Variants in GPC5 observed in about 807,000 individuals in gnomAD.
GPC5 encodes the protein glypican 5, also known as glypican-5.
GPC5 carries 47 observed loss-of-function variants against 53.9 expected under a neutral mutation model. That is an observed-to-expected ratio of 0.87 (90% CI 0.69 to 1.11). The LOEUF is 1.11. Among genes scored for constraint, GPC5 ranks in the 50% most tolerant of loss-of-function variants. GPC5 has a pLI of 0.00. For missense variants in GPC5, 748 were observed against 713.1 expected (o/e 1.05, Z -0.56); for synonymous variants, 286 against 263.3 (o/e 1.09, Z -0.84).
intron 7 of GPC5, among the ~76,000 whole-genome samples, chr13:92,309,669 C>T (rs182090994): frequency 3.5e-4 from 53 of 152,180 alleles, no homozygotes; most frequent in African/African-American, 1.2e-3. Context: ...TTTGTGCATA[C>T]ATTGTAAAAT....
At chr13:91,556,197 A>G (rs1389600589) in intron 2 of GPC5, among the ~76,000 whole-genome samples, 1 of 129,944 alleles carries the variant, frequency 7.7e-6, no homozygotes, top group Non-Finnish European at 1.7e-5. Context: ...GAGTGGCTTT[A>G]AAAAAAAACT....
chr13:91,617,934 A>T (rs2033742822), intron 2 of GPC5, among the ~76,000 whole-genome samples: 1 of 152,108 alleles, frequency 6.6e-6, no homozygotes, highest in Non-Finnish European at 1.5e-5. Flanking sequence ...ATAAAACTTT[A>T]TTTACACACT....
rs80067855 is a variant in GPC5 at position 91,599,378 on chromosome 13, T to C, written c.326-93809T>C. 2.5e-3 allele frequency among the ~76,000 whole-genome samples: 382 copies of C among 152,288 alleles called. 2 individuals carry two copies. Among genetic ancestry groups the C allele is most frequent in the Non-Finnish European group, 3.7e-3 (251 of 68,006 alleles). On this transcript the variant is annotated intron_variant, in intron 2 of 7. Transcript: ENST00000377067. ...CTAGCTACCAAGTTTCTTTATATTT[T>C]TATCTTATCATAAATCAAGCCTGAT... is the stretch of plus-strand genomic sequence containing the variant.
Position 92,106,418 on chromosome 13 carries a change from A to G in GPC5, c.1402-38412A>G, listed in dbSNP as rs7993978. 1.0e-2 allele frequency among the ~76,000 whole-genome samples: 1,519 copies of G among 152,208 alleles called. 27 individuals carry two copies. Among genetic ancestry groups the G allele is most frequent in the African/African-American group, 0.035 (1,460 of 41,552 alleles). On this transcript the variant is annotated intron_variant, in intron 6 of 7. Transcript: ENST00000377067. ...TTTATTTTAATTATATGACACATAG[A>G]TTTTGGATATGATGAGTGCTGAACT...
chr13:92,164,596 G>T (rs2042013865), intron 7 of GPC5, among the ~76,000 whole-genome samples: 1 of 152,162 alleles, frequency 6.6e-6, no homozygotes, highest in African/African-American at 2.4e-5. Context: ...TTCACAGGCT[G>T]GTGTTGAGTG....
chr13:92,208,268 G>A (rs932781736), intron 7 of GPC5, among the ~76,000 whole-genome samples: 7 of 152,214 alleles, frequency 4.6e-5, no homozygotes, highest in East Asian at 1.9e-4. Flanking sequence ...AATTTCCAGA[G>A]TGATTTCCAT....
At chr13:91,829,327 T>G (rs2038620566) in intron 5 of GPC5, among the ~76,000 whole-genome samples, 1 of 152,000 alleles carries the variant, frequency 6.6e-6, no homozygotes, top group Non-Finnish European at 1.5e-5. Flanking sequence ...TATTAGAGAC[T>G]AAAGCAATAT....
chr13:91,512,777 A>G (rs1326334124), intron 2 of GPC5, among the ~76,000 whole-genome samples: 1 of 152,212 alleles, frequency 6.6e-6, no homozygotes, highest in African/African-American at 2.4e-5. Flanking sequence ...CAAGGATTCA[A>G]ACAGCTGTGG....
intron 6 of GPC5, among the ~76,000 whole-genome samples, chr13:92,079,033 G>A (rs1476087369): frequency 6.6e-6 from 1 of 151,782 alleles, no homozygotes; most frequent in Non-Finnish European, 1.5e-5. Context: ...TCTTTCTCAG[G>A]ATGTTACTTC....
chr13:91,958,231 C>G (rs1299627854), intron 6 of GPC5, among the ~76,000 whole-genome samples: 1 of 147,706 alleles, frequency 6.8e-6, no homozygotes, highest in Non-Finnish European at 1.5e-5. Context: ...GCAGAGGTAG[C>G]TATACCTATG....
At chr13:92,114,672 T>C (rs1171830054) in intron 6 of GPC5, among the ~76,000 whole-genome samples, 1 of 152,218 alleles carries the variant, frequency 6.6e-6, no homozygotes, top group Non-Finnish European at 1.5e-5. Context: ...TGATTAGGTA[T>C]ACCTGGCCAC....
intron 7 of GPC5, among the ~76,000 whole-genome samples, chr13:92,773,590 T>C (rs1024252042): frequency 2.0e-5 from 3 of 152,172 alleles, no homozygotes; most frequent in Admixed American, 6.6e-5. Flanking sequence ...AGAAAAACAA[T>C]ATAAAGTATC....
At chr13:92,115,654 G>A (rs114932821) in intron 6 of GPC5, among the ~76,000 whole-genome samples, 112 of 152,250 alleles carry the variant, frequency 7.4e-4, no homozygotes, top group African/African-American at 2.4e-3. Flanking sequence ...AGCAAGCAGC[G>A]TCTGGAGTCT....
chr13:91,456,487 A>AT (rs1453498590), intron 2 of GPC5, among the ~76,000 whole-genome samples: 1 of 151,934 alleles, frequency 6.6e-6, no homozygotes, highest in African/African-American at 2.4e-5. Context: ...AAAGTTAATA[A>AT]TTTTTTTAAG....
chr13:92,415,058 A>G (rs1304505612), intron 7 of GPC5, among the ~76,000 whole-genome samples: 1 of 152,196 alleles, frequency 6.6e-6, no homozygotes, highest in Non-Finnish European at 1.5e-5. Context: ...AGAAGCGTGC[A>G]CCTGTTCAAA....
intron 4 of GPC5, among the ~76,000 whole-genome samples, chr13:91,731,084 A>G (rs2036687136): frequency 6.6e-6 from 1 of 152,228 alleles, no homozygotes; most frequent in Non-Finnish European, 1.5e-5. Flanking sequence ...TTTGACATCT[A>G]ACAGTGAAGG....
chr13:92,267,934 A>G (rs906063600), intron 7 of GPC5, among the ~76,000 whole-genome samples: 3 of 152,090 alleles, frequency 2.0e-5, no homozygotes, highest in Admixed American at 1.3e-4. Context: ...CTCTTCTGAG[A>G]TTTATCTCAC....
intron 7 of GPC5, among the ~76,000 whole-genome samples, chr13:92,861,259 T>C (rs1291898880): frequency 6.6e-6 from 1 of 152,160 alleles, no homozygotes; most frequent in Non-Finnish European, 1.5e-5. Flanking sequence ...TGAATAAATA[T>C]GTGCACATAC....
chr13:92,148,646 T>TA (rs1566456831), intron 7 of GPC5, among the ~76,000 whole-genome samples: 1 of 152,116 alleles, frequency 6.6e-6, no homozygotes, highest in Non-Finnish European at 1.5e-5. Context: ...GATAGTTCAC[T>TA]AGTAACCTGG....
Sources: gnomAD v4.1 joint callset for allele counts (sites outside exome capture counted in the v4.1 genomes callset) on GRCh38, gnomAD v4.1.1 for gene constraint, MANE v1.5 for transcripts, NCBI Gene and HGNC (gene_info 2026-07-23, HGNC 2026-07-21) for gene names.